Variants in LRBA observed in about 807,000 individuals in gnomAD.
The protein encoded by LRBA is lipopolysaccharide-responsive and beige-like anchor protein.
LRBA carries 176 observed loss-of-function variants against 330.0 expected under a neutral mutation model. The ratio of observed to expected loss-of-function variants is 0.53; its 90% CI spans 0.47 to 0.60. The LOEUF is 0.60. Ranked by LOEUF, LRBA falls within the 20% of genes least tolerant of loss-of-function variation. The pLI, the probability that LRBA is intolerant of heterozygous loss-of-function variation, is 0.00. For missense variants in LRBA, 3,259 were observed against 3,444.8 expected, an observed-to-expected ratio of 0.95 and a Z score of 1.35; for synonymous variants, 1,230 against 1,193.0, an observed-to-expected ratio of 1.03 and a Z score of -0.64.
At chr4:150,870,720 T>C (rs1030371189) in intron 19 of LRBA, 114 bp from the exon 20 acceptor site, 5 of 576,508 alleles carry the variant, frequency 8.7e-6, no homozygotes, top group African/African-American at 3.8e-5. Context: ...AATCAAAATA[T>C]AGTATATTTT....
intron 37 of LRBA, among the ~76,000 whole-genome samples, chr4:150,639,856 T>G (rs1327394904): frequency 1.2e-5 from 1 of 80,078 alleles, no homozygotes; most frequent in Non-Finnish European, 2.4e-5. Context: ...TATATATATA[T>G]ATATATATAT....
chr4:150,789,408 G>A (rs968536522), intron 34 of LRBA, among the ~76,000 whole-genome samples: 1 of 152,106 alleles, frequency 6.6e-6, no homozygotes, highest in African/African-American at 2.4e-5. Flanking sequence ...ATGTACAATA[G>A]ATGGAATGTT....
chr4:150,618,719 C>T (rs1429720615), intron 37 of LRBA, among the ~76,000 whole-genome samples: 3 of 151,868 alleles, frequency 2.0e-5, no homozygotes, highest in Non-Finnish European at 4.4e-5. Context: ...AAATATATGA[C>T]AAGTAAGCTT....
At chr4:150,488,899 A>G (rs1052268453) in intron 41 of LRBA, among the ~76,000 whole-genome samples, 4 of 133,162 alleles carry the variant, frequency 3.0e-5, no homozygotes, top group Admixed American at 8.1e-5. Flanking sequence ...ATACACACAC[A>G]TAAGAATATA....
chr4:150,884,749 A>G (rs1728767258), intron 17 of LRBA, among the ~76,000 whole-genome samples: 1 of 152,210 alleles, frequency 6.6e-6, no homozygotes, highest in Admixed American at 6.5e-5. Context: ...AGAGTTGCCC[A>G]GTTTTCAACA....
In LRBA at chr4:150,683,541, A is replaced by G. The variant is rs1362300814; in HGVS notation, c.5921+10T>C. ...AAATCAGTGGCCAAATCCTAAAGGT[A>G]TCCCTTTACCTCACTGCAGAATTTC... is the stretch of plus-strand genomic sequence containing the variant. On this transcript the variant is annotated intron_variant, in intron 37 of 56. Coordinates refer to ENST00000651943, the MANE Select transcript of LRBA (RefSeq NM_001364905.1). 6.2e-7 allele frequency: 1 copy of G among 1,611,362 alleles called. No homozygotes were observed. The highest frequency in any genetic ancestry group is 1.7e-5 in the Admixed American group (1 of 59,972).
At chr4:150,767,756 CAAAAAA>C (rs373910038) in intron 34 of LRBA, among the ~76,000 whole-genome samples, 12,178 of 118,730 alleles carry the variant, frequency 0.1, 1,006 homozygotes, top group African/African-American at 0.25. Context: ...AGACTTGTTG[CAAAAAA>C]AAAAAAAAAA....
intron 42 of LRBA, among the ~76,000 whole-genome samples, chr4:150,474,188 G>T (rs1249601613): frequency 2.0e-5 from 3 of 152,062 alleles, no homozygotes; most frequent in Non-Finnish European, 2.9e-5. Flanking sequence ...TTTCTTGTAT[G>T]TAAACATCCA....
chr4:150,940,642 C>T (rs1286851140), intron 2 of LRBA, among the ~76,000 whole-genome samples: 1 of 151,742 alleles, frequency 6.6e-6, no homozygotes, highest in Non-Finnish European at 1.5e-5. Context: ...TTTGTATTTG[C>T]TATCTCCTTG....
intron 40 of LRBA, among the ~76,000 whole-genome samples, chr4:150,537,666 A>T (rs1764812540): frequency 6.6e-6 from 1 of 152,038 alleles, no homozygotes; most frequent in Admixed American, 6.6e-5. Context: ...AAAGTGAACA[A>T]AGGACCGGGC....
intron 36 of LRBA, among the ~76,000 whole-genome samples, chr4:150,687,177 A>C (rs1783698624): frequency 6.6e-6 from 1 of 152,148 alleles, no homozygotes; most frequent in African/African-American, 2.4e-5. Context: ...ATGTCCTTAT[A>C]ATGTAATTTG....
At chr4:150,617,841 C>T (rs997365394) in intron 37 of LRBA, among the ~76,000 whole-genome samples, 1 of 152,148 alleles carries the variant, frequency 6.6e-6, no homozygotes, top group Non-Finnish European at 1.5e-5. Flanking sequence ...CACAGTGGCT[C>T]ATGACTGAAA....
At chr4:150,498,504 G>GA (rs1759849877) in intron 40 of LRBA, among the ~76,000 whole-genome samples, 1 of 151,090 alleles carries the variant, frequency 6.6e-6, no homozygotes. Context: ...ATTTTTTTTT[G>GA]AAAGAAGGCA....
intron 34 of LRBA, among the ~76,000 whole-genome samples, chr4:150,791,160 C>G (rs1560821956): frequency 6.6e-6 from 1 of 152,116 alleles, no homozygotes; most frequent in Non-Finnish European, 1.5e-5. Flanking sequence ...CATGTTGTTG[C>G]CCAGGCTGGT....
intron 39 of LRBA, among the ~76,000 whole-genome samples, chr4:150,589,040 TACACACAC>T (rs10637563): frequency 2.0e-5 from 3 of 146,756 alleles, no homozygotes; most frequent in African/African-American, 7.7e-5. Context: ...TGTGTGTGTA[TACACACAC>T]ACACACACAC....
At chr4:150,923,099 A>T (rs1370602765) in intron 4 of LRBA, among the ~76,000 whole-genome samples, 1 of 151,574 alleles carries the variant, frequency 6.6e-6, no homozygotes, top group African/African-American at 2.4e-5. Context: ...AATATTGTCA[A>T]CTTAAGATGG....
chr4:150,434,410 G>T (rs1211095200), intron 46 of LRBA, among the ~76,000 whole-genome samples: 4 of 152,122 alleles, frequency 2.6e-5, no homozygotes, highest in Non-Finnish European at 5.9e-5. Context: ...ATTAATAATG[G>T]AATGCTTTAC....
chr4:150,530,773 CTT>C (rs1215343729), intron 40 of LRBA, among the ~76,000 whole-genome samples: 3 of 152,084 alleles, frequency 2.0e-5, no homozygotes, highest in African/African-American at 7.2e-5. Context: ...AGATTCCTTT[CTT>C]GTTCTTTTAG....
In LRBA at chr4:150,653,531, A is replaced by G. The variant is rs1183031339; in HGVS notation, c.5921+30020T>C. Among the ~76,000 whole-genome samples the G allele has an allele frequency of 2.6e-5, 4 of 152,114 alleles. No homozygotes were observed. In the East Asian group the frequency reaches 7.7e-4, roughly 29 times the overall value. Reference sequence around the variant, plus strand: ...GGTTGGTCCAGGCTGACCTTGCCCAATCAAGCCAATTATTTTCACTGGCAA... The same window carrying G: ...GGTTGGTCCAGGCTGACCTTGCCCAGTCAAGCCAATTATTTTCACTGGCAA... On this transcript the variant is annotated intron_variant, in intron 37 of 56. Transcript: ENST00000651943.
Sources: gnomAD v4.1 joint callset for allele counts (sites outside exome capture counted in the v4.1 genomes callset) on GRCh38, gnomAD v4.1.1 for gene constraint, MANE v1.5 for transcripts, NCBI Gene and HGNC (gene_info 2026-07-23, HGNC 2026-07-21) for gene names.